ASPH: variants seen among roughly 807,000 people sequenced by gnomAD.
The protein encoded by ASPH is aspartyl/asparaginyl beta-hydroxylase.
Under a neutral mutation model 118.4 loss-of-function variants are expected in ASPH, and 100 were observed. That is an observed-to-expected ratio of 0.84 (90% CI 0.72 to 1.00). ASPH has a LOEUF of 1.00. Ranked by LOEUF, ASPH falls within the 50% of genes least tolerant of loss-of-function variation. The pLI, the probability that ASPH is intolerant of heterozygous loss-of-function variation, is 0.00. For missense variants in ASPH, 920 were observed against 919.5 expected (o/e 1.00, Z -0.01); for synonymous variants, 315 against 325.6 (o/e 0.97, Z 0.35).
intron 1 of ASPH, among the ~76,000 whole-genome samples, chr8:61,693,100 T>C (rs1438349734): frequency 6.6e-6 from 1 of 152,142 alleles, no homozygotes; most frequent in Non-Finnish European, 1.5e-5. Flanking sequence ...TCCCACCCCA[T>C]GCTCAGGGAA....
chr8:61,667,664 C>A (rs1588946429), intron 3 of ASPH, among the ~76,000 whole-genome samples: 1 of 152,170 alleles, frequency 6.6e-6, no homozygotes, highest in East Asian at 1.9e-4. Context: ...CGTGCCCGGA[C>A]AATAATTTTT....
intron 3 of ASPH, among the ~76,000 whole-genome samples, chr8:61,662,381 C>T (rs1817356256): frequency 6.6e-6 from 1 of 152,106 alleles, no homozygotes; most frequent in African/African-American, 2.4e-5. Context: ...CCGAAAACAG[C>T]TTCTGACTCC....
At chr8:61,519,796 C>T (rs938577554) in intron 22 of ASPH, among the ~76,000 whole-genome samples, 2 of 152,174 alleles carry the variant, frequency 1.3e-5, no homozygotes, top group African/African-American at 4.8e-5. Flanking sequence ...CCTCTAGAAG[C>T]TGGAGACTCC....
At position 61,526,249 on chromosome 8, in the gene ASPH, T is replaced by G. The variant is rs74421266; in HGVS notation, c.1765-137A>C. The G allele has an allele frequency of 1.9e-3, 2,345 of 1,225,200 alleles. 32 individuals carry two copies. The African/African-American group carries it at 0.03, about 16-fold the overall frequency. 75.9% of individuals were successfully genotyped at this position (1,225,200 alleles called of 1,614,324 possible). A position where few individuals can be genotyped will look rare whatever the true frequency, so the allele number is the denominator to read the frequency against. ...TATCTAGATTGCTTATATTTCAATT[T>G]CCTCTGGGACTTCTTGTCACAGCTA... On this transcript the variant is annotated intron_variant, in intron 21 of 24. Transcript: ENST00000379454.
chr8:61,557,440 C>G (rs1004661157), intron 18 of ASPH, among the ~76,000 whole-genome samples: 1 of 152,146 alleles, frequency 6.6e-6, no homozygotes, highest in Admixed American at 6.5e-5. Flanking sequence ...CCCTCTGGCT[C>G]AGACTCTTCC....
At chr8:61,583,305 A>G (rs1303985411) in intron 15 of ASPH, 1 of 152,016 alleles carries the variant, frequency 6.6e-6, no homozygotes, top group Non-Finnish European at 1.5e-5. Context: ...CACGCCTGTA[A>G]TCCCAGCACT....
rs763253460 is a variant in ASPH, at chr8:61,502,084, T to C, written c.*1275A>G. 6.6e-6 allele frequency: 1 copy of C among 152,192 alleles called. No homozygotes were observed. Among genetic ancestry groups the C allele is most frequent in the Admixed American group, 6.5e-5 (1 of 15,270 alleles). 9.4% of individuals were successfully genotyped at this position (152,192 alleles called of 1,614,324 possible). ...ATACTTTGCTAGATTAATGACTTGA[T>C]CATCTTTGGAATGAGTAGGCAAGAC... On this transcript the variant is annotated 3_prime_UTR_variant, in exon 25 of 25. Coordinates refer to ENST00000379454, the MANE Select transcript of ASPH (RefSeq NM_004318.4).
At chr8:61,636,977 G>A (rs1385190913) in intron 12 of ASPH, among the ~76,000 whole-genome samples, 1 of 152,074 alleles carries the variant, frequency 6.6e-6, no homozygotes, top group Non-Finnish European at 1.5e-5. Context: ...GACACAGACA[G>A]CAATTTTAGC....
At chr8:61,643,215 A>G (rs906879505) in intron 9 of ASPH, among the ~76,000 whole-genome samples, 171 bp downstream of exon 9, 7 of 152,316 alleles carry the variant, frequency 4.6e-5, no homozygotes, top group Admixed American at 2.6e-4. Context: ...GAAATATGAA[A>G]GCCTGATATT....
At position 61,580,482 on chromosome 8, in the gene ASPH, C is replaced by T. The variant is rs147484786; in HGVS notation, c.1062+3462G>A. Reference sequence around the variant, plus strand: ...CAGTATTGAAATCTGTGTTACTCTTCGATGGCCTCTGTAACAAACTACCAC... The same window carrying T: ...CAGTATTGAAATCTGTGTTACTCTTTGATGGCCTCTGTAACAAACTACCAC... On this transcript the variant is annotated intron_variant, in intron 15 of 24. Coordinates refer to ENST00000379454, the MANE Select transcript of ASPH (RefSeq NM_004318.4). Among the ~76,000 whole-genome samples the T allele has an allele frequency of 1.6e-4, 25 of 152,294 alleles. No homozygotes were observed. In the East Asian group the frequency reaches 3.5e-3, roughly 21 times the overall value.
At chr8:61,681,146 T>A in intron 2 of ASPH, 110 bp from the exon 3 acceptor site, 1 of 795,528 alleles carries the variant, frequency 1.3e-6, no homozygotes, top group African/African-American at 1.8e-5. Flanking sequence ...TACCAATTAA[T>A]ACAATTCTTT....
intron 7 of ASPH, 129 bp from the exon 8 acceptor site, chr8:61,644,130 G>A: frequency 1.4e-6 from 1 of 730,318 alleles, no homozygotes. Flanking sequence ...ATTCAAACAT[G>A]TTCACTCCTG....
At chr8:61,540,370 A>C (rs1354378569) in intron 21 of ASPH, among the ~76,000 whole-genome samples, 1 of 152,096 alleles carries the variant, frequency 6.6e-6, no homozygotes, top group Admixed American at 6.5e-5. Context: ...GAGTTCTTGG[A>C]GATCTGGTCG....
In ASPH at chr8:61,502,740, A is replaced by T. The variant is rs1351007915; in HGVS notation, c.*619T>A. On this transcript the variant is annotated 3_prime_UTR_variant, in exon 25 of 25. Coordinates refer to ENST00000379454, the MANE Select transcript of ASPH (RefSeq NM_004318.4). ...AAAACCAAACGATTTGAGAGTTGGG[A>T]TGGGTACAGTTCATAGACACTGACA... The T allele has an allele frequency of 6.6e-6, 1 of 152,210 alleles. No homozygotes were observed. Among genetic ancestry groups the T allele is most frequent in the Admixed American group, 6.5e-5 (1 of 15,284 alleles). 9.4% of individuals were successfully genotyped at this position (152,210 alleles called of 1,614,324 possible).
intron 3 of ASPH, chr8:61,675,357 T>C: frequency 1.0e-6 from 1 of 966,166 alleles, no homozygotes; most frequent in South Asian, 4.8e-5. Context: ...CAAATTACTT[T>C]CTCTGGATGT....
rs991765865 is a variant in ASPH at position 61,646,759 on chromosome 8, A to G, written c.610T>C (p.Ser204Pro). Residue 204 changes from serine (S) to proline (P), a missense_variant, in exon 6 of 25, where the codon TCT (serine) becomes CCT (proline). Ser to Pro is a moderately conservative substitution (Grantham distance 74, BLOSUM62 -1). Coordinates refer to ENST00000379454, the MANE Select transcript of ASPH (RefSeq NM_004318.4). ...DRFETLEPEV[S>P]HEETEHSYHV... is the part of the protein sequence containing the mutation. ...AAAAAAAGTGTTCTACCTTCATGAG[A>G]TACTTCAGGTTCCAGGGTCTCAAAT... 7 of 1,613,262 alleles carry G rather than the reference A, an allele frequency of 4.3e-6. No individual in the cohort carries two copies. In the African/African-American group the frequency reaches 8.0e-5, roughly 18 times the overall value.
rs62506123 is a variant in ASPH, at chr8:61,562,389, C to G, written c.1437+355G>C. On this transcript the variant is annotated intron_variant, in intron 18 of 24. Coordinates refer to ENST00000379454, the MANE Select transcript of ASPH (RefSeq NM_004318.4). ...AAAAAAAAAAAAAAGGAAAGTGTGT[C>G]TGTGTGTGTGTGTGTGTGTGTGTGT... Among the ~76,000 whole-genome samples, 19 of 128,970 alleles carry G rather than the reference C, an allele frequency of 1.5e-4. 1 individual carries two copies. Among genetic ancestry groups the G allele is most frequent in the East Asian group, 9.5e-4 (4 of 4,224 alleles). The allele number at this position is 128,970 out of a possible 152,430, so 84.6% of individuals were successfully genotyped here.
At chr8:61,675,811 A>G (rs1432512977) in intron 3 of ASPH, 1 of 1,266,314 alleles carries the variant, frequency 7.9e-7, no homozygotes, top group Non-Finnish European at 9.9e-7. Flanking sequence ...GAAACCAATT[A>G]TACCACCAAG....
At chr8:61,529,002 T>C (rs1816558880) in intron 21 of ASPH, among the ~76,000 whole-genome samples, 1 of 152,216 alleles carries the variant, frequency 6.6e-6, no homozygotes, top group Admixed American at 6.5e-5. Flanking sequence ...TTTTCTCTTT[T>C]GAGTTCAATA....
Sources: gnomAD v4.1 joint callset for allele counts (sites outside exome capture counted in the v4.1 genomes callset) on GRCh38, gnomAD v4.1.1 for gene constraint, MANE v1.5 for transcripts, NCBI Gene and HGNC (gene_info 2026-07-23, HGNC 2026-07-21) for gene names.